Variants in NCOA3 observed in about 807,000 individuals in gnomAD.
NCOA3 encodes CBP-interacting protein.
A neutral mutation model predicts 158.8 loss-of-function variants in NCOA3; 51 were observed. The ratio of observed to expected loss-of-function variants is 0.32; its 90% CI spans 0.26 to 0.41. The LOEUF is 0.41. NCOA3 is among the 10% of genes least tolerant of loss of function. The pLI, the probability that NCOA3 is intolerant of heterozygous loss-of-function variation, is 1.00. For missense variants in NCOA3, 1,510 were observed against 1,746.6 expected (o/e 0.86, Z 2.41); for synonymous variants, 537 against 592.4 (o/e 0.91, Z 1.36).
intron 1 of NCOA3, among the ~76,000 whole-genome samples, chr20:47,571,309 T>G (rs1248897189): frequency 6.6e-6 from 1 of 150,808 alleles, no homozygotes; most frequent in South Asian, 2.1e-4. Flanking sequence ...CCGGCTAATT[T>G]TCTTTTCTTT....
intron 1 of NCOA3, among the ~76,000 whole-genome samples, chr20:47,537,842 A>G (rs936095429): frequency 2.6e-5 from 4 of 152,106 alleles, no homozygotes; most frequent in African/African-American, 4.8e-5. Flanking sequence ...TCGGCCTCCC[A>G]AAGTGCTAGG....
At chr20:47,522,919 G>C (rs1169064604) in intron 1 of NCOA3, among the ~76,000 whole-genome samples, 2 of 151,488 alleles carry the variant, frequency 1.3e-5, no homozygotes, top group African/African-American at 4.9e-5. Flanking sequence ...AGCCCGGCGC[G>C]GTGGCTCACC....
intron 2 of NCOA3, among the ~76,000 whole-genome samples, chr20:47,621,581 CAAG>C (rs1209254126): frequency 2.0e-5 from 3 of 151,182 alleles, no homozygotes; most frequent in East Asian, 3.9e-4. Context: ...TCTTTCTCAA[CAAG>C]AAGTACTCTA....
At chr20:47,505,003 G>GTTTTTTTTTT (rs1166777115) in intron 1 of NCOA3, among the ~76,000 whole-genome samples, 1,711 of 28,502 alleles carry the variant, frequency 0.06, 542 homozygotes, top group East Asian at 0.16. Flanking sequence ...TGGGTTTTTG[G>GTTTTTTTTTT]TTTTTTTTTT....
At chr20:47,533,598 A>G (rs2084585458) in intron 1 of NCOA3, among the ~76,000 whole-genome samples, 1 of 152,150 alleles carries the variant, frequency 6.6e-6, no homozygotes, top group Non-Finnish European at 1.5e-5. Context: ...TCCAGCAGTC[A>G]TGTGAAGAGT....
intron 8 of NCOA3, among the ~76,000 whole-genome samples, chr20:47,631,788 C>T (rs190246029): frequency 5.5e-4 from 83 of 152,216 alleles, no homozygotes; most frequent in Middle Eastern, 3.4e-3. Flanking sequence ...TCCCTTTACA[C>T]GAAAATGAAC....
chr20:47,580,819 G>T (rs115812805), intron 1 of NCOA3, among the ~76,000 whole-genome samples: 1 of 152,026 alleles, frequency 6.6e-6, no homozygotes, highest in South Asian at 2.1e-4. Context: ...CATAACATTC[G>T]GTCCGGTATG....
chr20:47,608,654 A>G (rs906781982), intron 2 of NCOA3, among the ~76,000 whole-genome samples: 3 of 152,000 alleles, frequency 2.0e-5, no homozygotes, highest in Non-Finnish European at 4.4e-5. Context: ...AAAAAAAAAA[A>G]AAAAAAGGTG....
Position 47,637,665 on chromosome 20 carries a change from T to C in NCOA3, c.2394T>C (p.Asp798=), listed in dbSNP as rs1383159969. 6.2e-7 allele frequency: 1 copy of C among 1,605,346 alleles called. No individual in the cohort carries two copies. Residue 798 remains aspartate, a synonymous_variant, in exon 13 of 23, where the codon GAT becomes GAC. Transcript: ENST00000371998. ...ATTTTCAGGGATCTGGAGACTTGGA[T>C]AATCTAGATGCTATTCTTGGTGATC... ...ETSEEGSGDL[D]NLDAILGDLT...
chr20:47,550,162 A>G (rs1427299114), intron 1 of NCOA3, among the ~76,000 whole-genome samples: 1 of 151,174 alleles, frequency 6.6e-6, no homozygotes, highest in Non-Finnish European at 1.5e-5. Flanking sequence ...AAGGGTTTGA[A>G]GTCCAGGCGC....
rs545375540 is a variant in NCOA3 at position 47,653,368 on chromosome 20, A to ATTTT, written c.4264-19_4264-16dup. 716 of 1,388,466 alleles carry ATTTT rather than the reference A, an allele frequency of 5.2e-4. 2 individuals carry two copies. Among genetic ancestry groups the ATTTT allele is most frequent in the South Asian group, 1.3e-3 (95 of 73,940 alleles). The allele number at this position is 1,388,466 out of a possible 1,614,324, so 86.0% of individuals were successfully genotyped here. A position where few individuals can be genotyped will look rare whatever the true frequency, so the allele number is the denominator to read the frequency against. ...GTTGTGCAAAGCATGTGTTTTACTC[A>ATTTT]TTTTTTTTTTTTTTTTTTTTTTCCT... is the stretch of plus-strand genomic sequence containing the variant. On this transcript the variant is annotated intron_variant, in intron 22 of 22. Transcript: ENST00000371998.
At chr20:47,608,706 C>T (rs1490840947) in intron 2 of NCOA3, among the ~76,000 whole-genome samples, 1 of 149,966 alleles carries the variant, frequency 6.7e-6, no homozygotes, top group Non-Finnish European at 1.5e-5. Flanking sequence ...TGAATACTGA[C>T]ATAACCCACA....
intron 1 of NCOA3, among the ~76,000 whole-genome samples, chr20:47,530,275 A>G (rs1277147820): frequency 2.0e-5 from 3 of 152,202 alleles, no homozygotes; most frequent in African/African-American, 4.8e-5. Context: ...GAGAAGATAT[A>G]TAATCATCCT....
intron 2 of NCOA3, among the ~76,000 whole-genome samples, chr20:47,611,959 C>T (rs1209984062): frequency 6.6e-6 from 1 of 152,020 alleles, no homozygotes; most frequent in Non-Finnish European, 1.5e-5. Context: ...CGAGTAGCTG[C>T]GACTACAGGT....
Position 47,588,141 on chromosome 20 carries a change from T to A in NCOA3, c.-20+4880T>A, listed in dbSNP as rs1053067692. On this transcript the variant is annotated intron_variant, in intron 2 of 22. Transcript: ENST00000371998. ...CCTTTCTCCACCCCACTTTTTTTTTTTTTTTTTTTTTTTTTTTGAGGCAGT... is the reference window on the plus strand; with the variant it reads ...CCTTTCTCCACCCCACTTTTTTTTTATTTTTTTTTTTTTTTTTGAGGCAGT... Among the ~76,000 whole-genome samples, 36 of 135,804 alleles carry A rather than the reference T, an allele frequency of 2.7e-4. No homozygotes were observed. In the East Asian group the frequency reaches 5.7e-3, roughly 21 times the overall value. 89.1% of individuals were successfully genotyped at this position (135,804 alleles called of 152,430 possible).
chr20:47,563,400 G>T (rs73308189), intron 1 of NCOA3, among the ~76,000 whole-genome samples: 3 of 152,142 alleles, frequency 2.0e-5, no homozygotes, highest in Non-Finnish European at 4.4e-5. Context: ...GGGAGGAGAT[G>T]CATATGTAGA....
At chr20:47,619,551 A>G (rs2086200484) in intron 2 of NCOA3, among the ~76,000 whole-genome samples, 1 of 151,424 alleles carries the variant, frequency 6.6e-6, no homozygotes, top group African/African-American at 2.4e-5. Flanking sequence ...ATACTGAGGC[A>G]GGAGGATTGC....
Position 47,640,189 on chromosome 20 carries a change from C to T in NCOA3, c.3080+138C>T, listed in dbSNP as rs982816236. ...ACTGGGTTGCCAGCTGGGCATTTCT[C>T]GTGTAACTCTGTGTAAAAATGAGGC... On this transcript the variant is annotated intron_variant, in intron 16 of 22. Transcript: ENST00000371998. 78 of 1,136,854 alleles carry T rather than the reference C, an allele frequency of 6.9e-5. No homozygotes were observed. In the African/African-American group the frequency reaches 7.6e-4, roughly 11 times the overall value. The allele number at this position is 1,136,854 out of a possible 1,614,324, so 70.4% of individuals were successfully genotyped here.
intron 1 of NCOA3, among the ~76,000 whole-genome samples, chr20:47,553,788 C>T (rs1313965736): frequency 6.6e-6 from 1 of 151,994 alleles, no homozygotes; most frequent in Non-Finnish European, 1.5e-5. Flanking sequence ...TTTCTTAATC[C>T]AGTCTGTCAC....
Sources: allele counts gnomAD v4.1 joint callset (sites outside exome capture counted in the v4.1 genomes callset), GRCh38; gene constraint gnomAD v4.1.1; transcripts MANE v1.5; gene names NCBI Gene and HGNC (gene_info 2026-07-23, HGNC 2026-07-21).